Variants in SSH2 observed in about 807,000 individuals in gnomAD.
The protein encoded by SSH2 is slingshot protein phosphatase 2.
A neutral mutation model predicts 135.2 loss-of-function variants in SSH2; 37 were observed. The ratio of observed to expected loss-of-function variants is 0.27; its 90% CI spans 0.21 to 0.36. The LOEUF is 0.36. Ranked by LOEUF, SSH2 falls within the 10% of genes least tolerant of loss-of-function variation. The pLI is 1.00. For synonymous variants in SSH2, 628 were observed against 646.2 expected, an observed-to-expected ratio of 0.97 and a Z score of 0.43; for missense variants, 1,408 against 1,765.3, an observed-to-expected ratio of 0.80 and a Z score of 3.63.
At chr17:29,711,515 T>C (rs758714360) in intron 3 of SSH2, among the ~76,000 whole-genome samples, 4 of 152,256 alleles carry the variant, frequency 2.6e-5, no homozygotes, top group Non-Finnish European at 5.9e-5. Context: ...ATTTTACCAT[T>C]GGTCATACAA....
At chr17:29,695,184 G>A (rs2038675211) in intron 5 of SSH2, among the ~76,000 whole-genome samples, 1 of 152,090 alleles carries the variant, frequency 6.6e-6, no homozygotes, top group African/African-American at 2.4e-5. Flanking sequence ...GTCAGCTCAA[G>A]CTCCACTGAC....
At chr17:29,841,437 T>A (rs947445294) in intron 2 of SSH2, among the ~76,000 whole-genome samples, 1 of 152,220 alleles carries the variant, frequency 6.6e-6, no homozygotes, top group African/African-American at 2.4e-5. Context: ...TGGAAAACTT[T>A]ACCCTTCACT....
chr17:29,747,959 T>C (rs767321422), intron 3 of SSH2, among the ~76,000 whole-genome samples: 1 of 152,140 alleles, frequency 6.6e-6, no homozygotes, highest in South Asian at 2.1e-4. Context: ...CAGTGTTAAG[T>C]CTAGAGACAC....
intron 3 of SSH2, chr17:29,716,198 TA>T: frequency 3.8e-6 from 1 of 262,782 alleles, no homozygotes. Context: ...TGGTCTCTCA[TA>T]CCCTTAAAAG....
At chr17:29,667,036 C>T (rs2037307562) in intron 10 of SSH2, 41 bp from the exon 11 acceptor site, 1 of 1,613,322 alleles carries the variant, frequency 6.2e-7, no homozygotes, top group African/African-American at 1.3e-5. Context: ...TCTTAAAGTC[C>T]CTCTGTACTT....
At chr17:29,723,831 G>C (rs2039899085) in intron 3 of SSH2, among the ~76,000 whole-genome samples, 1 of 152,124 alleles carries the variant, frequency 6.6e-6, no homozygotes, top group Non-Finnish European at 1.5e-5. Flanking sequence ...ATGCTAGGGG[G>C]AACTTCTTCC....
In SSH2 at chr17:29,677,441, T is replaced by C. The variant is rs11656448; in HGVS notation, c.548+232A>G. Among the ~76,000 whole-genome samples the C allele has an allele frequency of 1.7e-3, 258 of 152,298 alleles. 2 individuals carry two copies. Among genetic ancestry groups the C allele is most frequent in the South Asian group, 3.5e-3 (17 of 4,824 alleles). On this transcript the variant is annotated intron_variant, in intron 7 of 15. Transcript: ENST00000540801. ...GATTAAAGAGCCAACAAACTAGTTCTTCTTTGTCTTGATTCCTACCACAGT... is the reference window on the plus strand; with the variant it reads ...GATTAAAGAGCCAACAAACTAGTTCCTCTTTGTCTTGATTCCTACCACAGT...
chr17:29,731,122 T>C (rs1348640628), intron 3 of SSH2, among the ~76,000 whole-genome samples: 1 of 152,154 alleles, frequency 6.6e-6, no homozygotes, highest in Non-Finnish European at 1.5e-5. Context: ...TTTTAGGCAG[T>C]TTCTCCATTC....
At chr17:29,648,428 T>C in intron 13 of SSH2, 84 bp from the exon 14 acceptor site, 1 of 1,087,490 alleles carries the variant, frequency 9.2e-7, no homozygotes, top group Middle Eastern at 2.1e-4. Flanking sequence ...TTTTTCCAAG[T>C]GTCCTGTCCT....
chr17:29,722,636 G>A (rs2039861460), intron 3 of SSH2, among the ~76,000 whole-genome samples: 1 of 152,308 alleles, frequency 6.6e-6, no homozygotes, highest in Non-Finnish European at 1.5e-5. Flanking sequence ...TATCAATAAG[G>A]ATAGTAATAT....
chr17:29,844,001 A>C (rs2043089116), intron 2 of SSH2, among the ~76,000 whole-genome samples: 1 of 152,148 alleles, frequency 6.6e-6, no homozygotes, highest in Non-Finnish European at 1.5e-5. Context: ...TTCTAAACCA[A>C]ATAATTCTTA....
intron 1 of SSH2, among the ~76,000 whole-genome samples, chr17:29,891,306 A>C (rs1228337558): frequency 6.6e-6 from 1 of 152,226 alleles, no homozygotes; most frequent in Non-Finnish European, 1.5e-5. Flanking sequence ...GATGAAACCC[A>C]CAAATCTACT....
chr17:29,897,869 C>T (rs9908409), intron 1 of SSH2, among the ~76,000 whole-genome samples: 84,701 of 151,852 alleles, frequency 0.56, 23,998 homozygotes, highest in East Asian at 0.69. Flanking sequence ...ATTGACCACA[C>T]AGTTGGAAGT....
intron 5 of SSH2, among the ~76,000 whole-genome samples, chr17:29,688,917 A>T (rs2038346018): frequency 6.6e-6 from 1 of 152,172 alleles, no homozygotes; most frequent in South Asian, 2.1e-4. Context: ...AAACTTTGGG[A>T]GGCTGAGGCA....
intron 2 of SSH2, among the ~76,000 whole-genome samples, chr17:29,813,297 C>A (rs1378266558): frequency 6.6e-6 from 1 of 151,812 alleles, no homozygotes; most frequent in African/African-American, 2.4e-5. Flanking sequence ...GCAGGAGAAT[C>A]GCTTGAGCCC....
intron 2 of SSH2, among the ~76,000 whole-genome samples, chr17:29,802,271 C>T (rs2042262533): frequency 6.6e-6 from 1 of 152,170 alleles, no homozygotes; most frequent in Admixed American, 6.5e-5. Context: ...AAAGTAAGCA[C>T]AACTGTCCTT....
chr17:29,811,065 G>A (rs960674405), intron 2 of SSH2, among the ~76,000 whole-genome samples: 6 of 151,888 alleles, frequency 4.0e-5, no homozygotes, highest in Non-Finnish European at 5.9e-5. Context: ...GCACAATCTC[G>A]GCTCACTGCA....
chr17:29,692,738 A>T (rs896168252), intron 5 of SSH2, among the ~76,000 whole-genome samples: 1 of 152,230 alleles, frequency 6.6e-6, no homozygotes, highest in Admixed American at 6.5e-5. Flanking sequence ...GGCATCCAGT[A>T]TGTGCAAGTG....
At chr17:29,728,264 CAA>C (rs1314785761) in intron 3 of SSH2, among the ~76,000 whole-genome samples, 2 of 152,130 alleles carry the variant, frequency 1.3e-5, no homozygotes, top group Admixed American at 1.3e-4. Context: ...ATGCCAACAG[CAA>C]ACAATCTGAA....
Sources: allele counts gnomAD v4.1 joint callset (sites outside exome capture counted in the v4.1 genomes callset), GRCh38; gene constraint gnomAD v4.1.1; transcripts MANE v1.5; gene names NCBI Gene and HGNC (gene_info 2026-07-23, HGNC 2026-07-21).